The following CENPM variants were observed in gnomAD, a reference collection of about 807,000 sequenced individuals.
CENPM encodes interphase centromere complex protein 39.
CENPM carries 14 observed loss-of-function variants against 19.6 expected under a neutral mutation model. The ratio of observed to expected loss-of-function variants is 0.71; its 90% confidence interval spans 0.47 to 1.11. CENPM has a LOEUF of 1.11. CENPM is among the 50% of genes most tolerant of loss of function. The pLI is 0.00. For synonymous variants in CENPM, 114 were observed against 101.5 expected (o/e 1.12, Z -0.74); for missense variants, 239 against 228.4 (o/e 1.05, Z -0.30).
At position 41,938,961 on chromosome 22, in the gene CENPM, G is replaced by C; in HGVS notation, c.*95C>G. 1.3e-6 allele frequency: 2 copies of C among 1,494,644 alleles called. No homozygotes were observed. The highest frequency in any genetic ancestry group is 1.3e-5 in the South Asian group (1 of 78,700). The allele number at this position is 1,494,644 out of a possible 1,614,324, so 92.6% of individuals were successfully genotyped here. A position where few individuals can be genotyped will look rare whatever the true frequency, so the allele number is the denominator to read the frequency against. ...TTCCCAGCCACGGCGGGCTGAGCCT[G>C]GGCCTGTCAAGCCCTGACTGGACAT... On this transcript the variant is annotated 3_prime_UTR_variant, in exon 6 of 6. Transcript: ENST00000215980.
chr22:41,937,799 G>A (rs574055669), downstream of CENPM, among the ~76,000 whole-genome samples: 94 of 152,252 alleles, frequency 6.2e-4, no homozygotes, highest in Non-Finnish European at 1.2e-3. Context: ...CCAGGATGTG[G>A]AGTCTGACTG....
downstream of CENPM, among the ~76,000 whole-genome samples, chr22:41,937,469 G>C (rs1251985946): frequency 3.3e-5 from 5 of 152,048 alleles, no homozygotes; most frequent in Non-Finnish European, 7.4e-5. Flanking sequence ...CTAATTTTCT[G>C]TATTTTAGTG....
In CENPM at chr22:41,939,094, G is replaced by C; in HGVS notation, c.505C>G (p.Leu169Val). Residue 169 changes from leucine (L) to valine (V), a missense_variant, in exon 6 of 6, where the codon CTG (leucine) becomes GTG (valine). By Grantham distance (32) the Leu-to-Val change is conservative (BLOSUM62 1). Transcript: ENST00000215980. ...AGGGAGGGGCCCTCAGAGCTTCTCA[G>C]CAGGGACAGCAGGTTCAGAGCTGAG... is the stretch of plus-strand genomic sequence containing the variant. Reference protein sequence around the residue: ...GVSALNLLSLLRSSEGPSLED... With the variant: ...GVSALNLLSLVRSSEGPSLED... 6.2e-7 allele frequency: 1 copy of C among 1,613,026 alleles called. No individual in the cohort carries two copies.
In CENPM at chr22:41,945,962, G is replaced by T. The variant is rs1406362396; in HGVS notation, c.181C>A (p.Pro61Thr). Residue 61 changes from proline to threonine, a missense_variant, in exon 3 of 6, where the codon CCC becomes ACC. Transcript: ENST00000215980. ...SLPLPSSVNR[P>T]RIDLIVFVVN... ...ACAAACACGATCAGGTCAATTCGGG[G>T]CCGATTCACACTGGAGGGCAAAGGG... The T allele has an allele frequency of 1.2e-6, 2 of 1,613,908 alleles. No individual in the cohort carries two copies. Among genetic ancestry groups the T allele is most frequent in the Non-Finnish European group, 1.7e-6 (2 of 1,179,954 alleles).
chr22:41,946,779 C>G, intron 1 of CENPM: 1 of 600,754 alleles, frequency 1.7e-6, no homozygotes, highest in Admixed American at 3.0e-5. Flanking sequence ...CAATTCCAGG[C>G]GCGGGAACTC....
chr22:41,942,945 G>GACA (rs150317302), intron 5 of CENPM, among the ~76,000 whole-genome samples: 8,874 of 151,424 alleles, frequency 0.059, 308 homozygotes, highest in Non-Finnish European at 0.079. Context: ...AAACAATAAC[G>GACA]ACAACAACAA....
chr22:41,947,071 CG>C lies in CENPM; in HGVS notation c.5del (p.Ser2TrpfsTer3). On this transcript the variant is annotated frameshift_variant, in exon 1 of 6. Transcript: ENST00000215980. LOFTEE classifies it high-confidence loss of function. Reference sequence around the variant, plus strand: ...GCAGCTTGTCCAGGGGCCTCAACACCGACATCACAGCCGCAGGACCAACCGT... The same window carrying C: ...GCAGCTTGTCCAGGGGCCTCAACACCACATCACAGCCGCAGGACCAACCGT... Reference protein sequence around the residue: MSVLRPLDKLPG... With the variant: MXVLRPLDKLPG... The C allele has an allele frequency of 1.2e-6, 2 of 1,612,866 alleles. No homozygotes were observed. Among genetic ancestry groups the C allele is most frequent in the South Asian group, 2.2e-5 (2 of 91,074 alleles).
intron 4 of CENPM, 171 bp downstream of exon 4, chr22:41,945,050 ATTAG>A: frequency 1.4e-6 from 2 of 1,463,538 alleles, no homozygotes; most frequent in Non-Finnish European, 1.8e-6. Context: ...CCTAGTACCC[ATTAG>A]TTATTTTTCC....
the CENPM span, among the ~76,000 whole-genome samples, chr22:41,931,118 G>C: frequency 2.6e-5 from 4 of 151,718 alleles, no homozygotes; most frequent in Non-Finnish European, 4.4e-5. Flanking sequence ...TTACAGGCGT[G>C]AGCCACTGCA....
At chr22:41,935,874 C>CTT (rs763615752), downstream of CENPM, among the ~76,000 whole-genome samples, 74 of 140,502 alleles carry the variant, frequency 5.3e-4, no homozygotes, top group South Asian at 2.1e-3. Flanking sequence ...ATGCCCAAAT[C>CTT]TTTTTTTTTT....
chr22:41,940,269 C>T (rs1602386579), intron 5 of CENPM: 6 of 683,310 alleles, frequency 8.8e-6, no homozygotes, highest in Non-Finnish European at 1.6e-5. Flanking sequence ...TTTGCAGGGG[C>T]GTTCCCTGGT....
chr22:41,941,059 C>G (rs1053594199), intron 5 of CENPM, among the ~76,000 whole-genome samples: 2 of 152,214 alleles, frequency 1.3e-5, no homozygotes, highest in Non-Finnish European at 2.9e-5. Context: ...CTGCTTATTT[C>G]ATGAGATTCT....
intron 3 of CENPM, 143 bp from the exon 4 acceptor site, chr22:41,945,447 ATT>A (rs377012454): frequency 0.053 from 56,063 of 1,061,300 alleles, 1 homozygote; most frequent in East Asian, 0.072. Flanking sequence ...TTGTCCTTTA[ATT>A]TTTTTTTTTT....
chr22:41,946,466 G>A lies in CENPM; in HGVS notation c.88C>T (p.Gln30Ter), dbSNP rs567307608. Residue 30 changes from glutamine (Q) to a stop codon, truncating the protein, a stop_gained, in exon 2 of 6, where the codon CAG (glutamine) becomes TAG (stop). Transcript: ENST00000215980. LOFTEE classifies it high-confidence loss of function. ...TCTTTGAGCATCGAGTCCGCCAGCT[G>A]CTGCAGAAGAGCATCCTCCGTGCCC... ...LVGTEDALLQ[Q>*]LADSMLKEDC... is the part of the protein sequence containing the mutation. 3 of 1,613,316 alleles carry A rather than the reference G, an allele frequency of 1.9e-6. No individual in the cohort carries two copies. In the African/African-American group the frequency reaches 4.0e-5, roughly 21 times the overall value.
Position 41,947,026 on chromosome 22 carries a change from G to C in CENPM, c.51C>G (p.Thr17=). 6.2e-7 allele frequency: 1 copy of C among 1,612,868 alleles called. No individual in the cohort carries two copies. The highest frequency in any genetic ancestry group is 8.5e-7 in the Non-Finnish European group (1 of 1,179,916). The change falls in exon 1 of 6, where the codon ACC becomes ACG. Residue 17 remains threonine (T), a synonymous_variant. Transcript: ENST00000215980. ...LDKLPGLNTA[T]ILLVGTEDAL... ...CAGGGCCGCCTGCACCTACCAAGAT[G>C]GTGGCCGTGTTCAGGCCGGGCAGCT...
chr22:41,930,541 T>C, the CENPM span, among the ~76,000 whole-genome samples: 28 of 152,114 alleles, frequency 1.8e-4, no homozygotes, highest in Non-Finnish European at 3.8e-4. Context: ...GTTTCACTCT[T>C]ATCGCCCAGG....
chr22:41,939,095 C>A lies in CENPM; in HGVS notation c.504G>T (p.Leu168=), dbSNP rs773148657. 1 of 1,613,056 alleles carries A rather than the reference C, an allele frequency of 6.2e-7. No individual in the cohort carries two copies. The highest frequency in any genetic ancestry group is 1.7e-5 in the Admixed American group (1 of 60,028). The change falls in exon 6 of 6, where the codon CTG becomes CTT. Residue 168 remains leucine (L), a synonymous_variant. Transcript: ENST00000215980. ...PGVSALNLLS[L]LRSSEGPSLE... ...GGGAGGGGCCCTCAGAGCTTCTCAG[C>A]AGGGACAGCAGGTTCAGAGCTGAGA...
downstream of CENPM, among the ~76,000 whole-genome samples, chr22:41,935,366 G>A (rs1037041845): frequency 1.4e-4 from 21 of 152,144 alleles, no homozygotes; most frequent in Middle Eastern, 3.4e-3. Context: ...CATCCACACC[G>A]CCTTCCTCCC....
At chr22:41,932,872 A>G in the CENPM span, among the ~76,000 whole-genome samples, 1 of 152,072 alleles carries the variant, frequency 6.6e-6, no homozygotes, top group Non-Finnish European at 1.5e-5. The surrounding 1 kb of genome is among the most constrained non-coding windows in gnomAD (Gnocchi z 4.3). Context: ...CCTCCCCGTC[A>G]CTCGCCACTC....
Sources: gnomAD v4.1 joint callset for allele counts (sites outside exome capture counted in the v4.1 genomes callset) on GRCh38, gnomAD v4.1.1 for gene constraint, Gnocchi (gnomAD v3.1) non-coding constraint, MANE v1.5 for transcripts, NCBI Gene and HGNC (gene_info 2026-07-23, HGNC 2026-07-21) for gene names.